Variants in STPG2 observed in about 807,000 individuals in gnomAD.
The protein encoded by STPG2 is sperm tail PG-rich repeat containing 2, also known as sperm-tail PG-rich repeat-containing protein 2.
Under a neutral mutation model 54.2 loss-of-function variants are expected in STPG2, and 56 were observed. The ratio of observed to expected loss-of-function variants is 1.03; its 90% CI spans 0.83 to 1.29. The LOEUF (loss-of-function observed/expected upper bound fraction) is 1.29. STPG2 is among the 50% of genes most tolerant of loss of function. The pLI is 0.00. For missense variants in STPG2, 596 were observed against 544.9 expected (o/e 1.09, Z -0.93); for synonymous variants, 200 against 181.8 (o/e 1.10, Z -0.81).
chr4:97,873,597 G>T (rs972512006), intron 8 of STPG2, among the ~76,000 whole-genome samples: 2 of 139,040 alleles, frequency 1.4e-5, no homozygotes, highest in African/African-American at 4.9e-5. Flanking sequence ...ATATCATATA[G>T]AAGAAACAAC....
chr4:97,945,920 G>C (rs867007128), intron 7 of STPG2, among the ~76,000 whole-genome samples: 1 of 152,016 alleles, frequency 6.6e-6, no homozygotes, highest in African/African-American at 2.4e-5. Flanking sequence ...TTAGCTGAGT[G>C]TGGTGGCATA....
At position 98,059,000 on chromosome 4, in the gene STPG2, T is replaced by C. The variant is rs1159164522; in HGVS notation, c.612+46953A>G. Among the ~76,000 whole-genome samples the C allele has an allele frequency of 2.0e-5, 3 of 147,944 alleles. No homozygotes were observed. In the South Asian group the frequency reaches 6.3e-4, roughly 31 times the overall value. ...GAAGACAAAAAAAAAAAAACAGAGC[T>C]GAACTGCAGGAAATCAAGACATGAA... On this transcript the variant is annotated intron_variant, in intron 5 of 10. Transcript: ENST00000295268.
intron 5 of STPG2, among the ~76,000 whole-genome samples, chr4:97,990,353 T>C (rs1734963405): frequency 6.6e-6 from 1 of 152,124 alleles, no homozygotes; most frequent in South Asian, 2.1e-4. Flanking sequence ...CTGTGACAAC[T>C]GACCACTAAA....
At chr4:97,957,277 C>A (rs1733716302) in intron 7 of STPG2, among the ~76,000 whole-genome samples, 1 of 147,574 alleles carries the variant, frequency 6.8e-6, no homozygotes. Context: ...AATAGAAATG[C>A]AAAATGCTCT....
At chr4:98,023,854 T>C (rs1736321962) in intron 5 of STPG2, among the ~76,000 whole-genome samples, 1 of 152,182 alleles carries the variant, frequency 6.6e-6, no homozygotes, top group Non-Finnish European at 1.5e-5. Flanking sequence ...TATAATCTCC[T>C]GGTGTGCCGT....
intron 9 of STPG2, among the ~76,000 whole-genome samples, chr4:97,739,374 T>A (rs543279472): frequency 0.012 from 1,892 of 151,900 alleles, 33 homozygotes; most frequent in African/African-American, 0.044. Context: ...AGAGCAGAAC[T>A]GAAGGAAATA....
rs546989581 is a variant in STPG2, at chr4:97,677,416, A to G, written c.1320+35283T>C. Among the ~76,000 whole-genome samples the G allele has an allele frequency of 3.3e-5, 5 of 152,294 alleles. No homozygotes were observed. The East Asian group carries it at 9.7e-4, about 29-fold the overall frequency. ...GTCTGACCAATTTCTGATAGTTTAT[A>G]AAGCCAGATTTAATAGATGTCTGCA... On this transcript the variant is annotated intron_variant, in intron 10 of 10. Transcript: ENST00000295268.
chr4:97,550,777 T>G (rs1731947533), intron 4 of STPG2, among the ~76,000 whole-genome samples: 1 of 152,104 alleles, frequency 6.6e-6, no homozygotes, highest in Non-Finnish European at 1.5e-5. Flanking sequence ...GTGGTCTCGC[T>G]TGACTTCAGG....
intron 10 of STPG2, among the ~76,000 whole-genome samples, chr4:97,649,919 A>G (rs1337867988): frequency 2.0e-5 from 3 of 152,146 alleles, no homozygotes; most frequent in Non-Finnish European, 4.4e-5. Context: ...TGAAATAATT[A>G]TACAACTTAC....
intron 4 of STPG2, among the ~76,000 whole-genome samples, chr4:97,452,120 ACCCCCCCCC>A (rs70953067): frequency 5.1e-5 from 1 of 19,442 alleles, no homozygotes; most frequent in African/African-American, 2.6e-4. Flanking sequence ...CCCCGCCCCC[ACCCCCCCCC>A]CCCCCCGCCC....
intron 10 of STPG2, among the ~76,000 whole-genome samples, chr4:97,694,771 CCA>C (rs1433088118): frequency 8.7e-6 from 1 of 115,280 alleles, no homozygotes; most frequent in Non-Finnish European, 1.6e-5. Flanking sequence ...CGAGATCATG[CCA>C]CTGTACTCCA....
At chr4:97,453,637 G>T (rs904000427) in intron 4 of STPG2, among the ~76,000 whole-genome samples, 1 of 152,152 alleles carries the variant, frequency 6.6e-6, no homozygotes, top group Admixed American at 6.5e-5. Context: ...GTCAATTCAG[G>T]CCTCCTGTTT....
At chr4:97,813,701 A>AAAAAAAAAAAG (rs1560538499) in intron 9 of STPG2, among the ~76,000 whole-genome samples, 1 of 135,056 alleles carries the variant, frequency 7.4e-6, no homozygotes, top group African/African-American at 2.8e-5. Flanking sequence ...AAAAAAAAAA[A>AAAAAAAAAAAG]AAAAAAAAAA....
At chr4:98,103,140 T>C (rs1304197972) in intron 5 of STPG2, among the ~76,000 whole-genome samples, 1 of 151,958 alleles carries the variant, frequency 6.6e-6, no homozygotes. Flanking sequence ...GCAATTTCAT[T>C]ATCTTTTTAA....
intron 10 of STPG2, among the ~76,000 whole-genome samples, chr4:97,669,057 G>C (rs752943128): frequency 6.6e-6 from 1 of 151,932 alleles, no homozygotes; most frequent in Non-Finnish European, 1.5e-5. Flanking sequence ...AAAAAAATCA[G>C]GAAGAAGTCG....
At chr4:97,837,616 T>C (rs1728672374) in intron 9 of STPG2, among the ~76,000 whole-genome samples, 1 of 151,676 alleles carries the variant, frequency 6.6e-6, no homozygotes, top group South Asian at 2.1e-4. Context: ...AATTCTAACG[T>C]GTTTTATTAG....
intron 5 of STPG2, among the ~76,000 whole-genome samples, chr4:98,076,311 A>G (rs1738166770): frequency 6.7e-6 from 1 of 148,158 alleles, no homozygotes; most frequent in African/African-American, 2.5e-5. Context: ...AAAAACTGAA[A>G]GAACTAAAAA....
intron 10 of STPG2, among the ~76,000 whole-genome samples, chr4:97,647,207 T>C (rs1721936998): frequency 6.6e-6 from 1 of 152,180 alleles, no homozygotes; most frequent in African/African-American, 2.4e-5. Context: ...GCCAGGCTGC[T>C]TGAGTTAAAG....
intron 4 of STPG2, among the ~76,000 whole-genome samples, chr4:97,473,150 T>A (rs921350191): frequency 6.6e-6 from 1 of 152,130 alleles, no homozygotes; most frequent in African/African-American, 2.4e-5. Flanking sequence ...AGAGCATGTG[T>A]GTTTGAACAA....
Sources: allele counts gnomAD v4.1 joint callset (sites outside exome capture counted in the v4.1 genomes callset), GRCh38; gene constraint gnomAD v4.1.1; transcripts MANE v1.5; gene names NCBI Gene and HGNC (gene_info 2026-07-23, HGNC 2026-07-21).